The following KSR2 variants were observed in gnomAD, a reference collection of about 807,000 sequenced individuals.
KSR2 encodes the protein kinase suppressor of ras 2.
In KSR2, 25 loss-of-function variants were observed where a neutral mutation model predicts 107.8. That is an observed-to-expected ratio of 0.23 (90% CI 0.17 to 0.32). The LOEUF (loss-of-function observed/expected upper bound fraction) is 0.32. Among genes scored for constraint, KSR2 ranks in the 10% least tolerant of loss-of-function variants. The probability of loss-of-function intolerance (pLI) is 1.00; values close to 1 mark genes in which losing one functional copy is unlikely to be tolerated. For missense variants in KSR2, 887 were observed against 1,268.9 expected (o/e 0.70, Z 4.57); for synonymous variants, 480 against 507.0 (o/e 0.95, Z 0.71).
At chr12:117,588,278 T>C (rs1386682670) in intron 5 of KSR2, among the ~76,000 whole-genome samples, 3 of 152,190 alleles carry the variant, frequency 2.0e-5, no homozygotes, top group Non-Finnish European at 4.4e-5. Flanking sequence ...TAGACTGATC[T>C]TAGAGGACAG....
intron 1 of KSR2, among the ~76,000 whole-genome samples, chr12:117,945,195 A>G (rs1413529667): frequency 6.6e-6 from 1 of 152,222 alleles, no homozygotes; most frequent in Non-Finnish European, 1.5e-5. Flanking sequence ...TCAAGGATCT[A>G]AACACCATCA....
chr12:117,767,356 G>A (rs1335080267), intron 3 of KSR2, among the ~76,000 whole-genome samples: 1 of 151,304 alleles, frequency 6.6e-6, no homozygotes, highest in Non-Finnish European at 1.5e-5. Flanking sequence ...AGAATGGCGT[G>A]AACCCGGGAG....
intron 4 of KSR2, among the ~76,000 whole-genome samples, chr12:117,759,964 C>T (rs568546484): frequency 1.3e-5 from 2 of 152,262 alleles, no homozygotes; most frequent in Admixed American, 6.5e-5. Context: ...AAAAAATTAG[C>T]CAGGCGTGGT....
intron 17 of KSR2, among the ~76,000 whole-genome samples, chr12:117,472,067 T>C (rs1448867368): frequency 6.6e-6 from 1 of 152,140 alleles, no homozygotes; most frequent in Non-Finnish European, 1.5e-5. Context: ...CAAGTCCTGA[T>C]TCTATTTATA....
intron 5 of KSR2, among the ~76,000 whole-genome samples, chr12:117,619,127 T>C (rs932964564): frequency 1.3e-5 from 2 of 152,006 alleles, no homozygotes; most frequent in Non-Finnish European, 2.9e-5. Flanking sequence ...GTCTGCTAGA[T>C]GGGCAGGCTA....
chr12:117,505,218 C>A (rs1373237730), intron 14 of KSR2, among the ~76,000 whole-genome samples: 1 of 152,152 alleles, frequency 6.6e-6, no homozygotes, highest in Non-Finnish European at 1.5e-5. Flanking sequence ...AGAATCCTGA[C>A]CTTGTGTCAG....
intron 3 of KSR2, among the ~76,000 whole-genome samples, chr12:117,838,405 G>C (rs1892329658): frequency 6.6e-6 from 1 of 152,172 alleles, no homozygotes; most frequent in African/African-American, 2.4e-5. Context: ...CTGACCTTGT[G>C]ATCTGCCCAC....
chr12:117,720,117 T>C (rs1013516466), intron 4 of KSR2, among the ~76,000 whole-genome samples: 13 of 152,218 alleles, frequency 8.5e-5, no homozygotes, highest in African/African-American at 1.7e-4. Flanking sequence ...GCAAAGTGCC[T>C]GGAGGAAGTG....
chr12:117,555,648 C>T (rs1877637013), intron 8 of KSR2, among the ~76,000 whole-genome samples: 1 of 152,182 alleles, frequency 6.6e-6, no homozygotes, highest in Non-Finnish European at 1.5e-5. Flanking sequence ...CATCATGGTG[C>T]CCTGTCCCTA....
chr12:117,667,525 G>C lies in KSR2; in HGVS notation c.1120C>G (p.Pro374Ala), dbSNP rs775004315. Residue 374 changes from proline to alanine, a missense_variant, in exon 5 of 20, where the codon CCT becomes GCT. Physicochemically the swap from Pro to Ala is conservative, Grantham distance 27. Coordinates refer to ENST00000339824, the MANE Select transcript of KSR2 (RefSeq NM_173598.6). Reference protein sequence around the residue: ...SLRSFFVGHAPFLPSTPPVHT... With the variant: ...SLRSFFVGHAAFLPSTPPVHT... ...ACAGGAGGGGTGGAAGGCAGGAAAGGTGCGTGTCCCACAAAGAAGGAGCGG... is the reference window on the plus strand; with the variant it reads ...ACAGGAGGGGTGGAAGGCAGGAAAGCTGCGTGTCCCACAAAGAAGGAGCGG... 1 of 1,612,678 alleles carries C rather than the reference G, an allele frequency of 6.2e-7. No homozygotes were observed. The highest frequency in any genetic ancestry group is 1.3e-5 in the African/African-American group (1 of 74,918).
intron 4 of KSR2, among the ~76,000 whole-genome samples, chr12:117,690,431 G>A (rs1334912880): frequency 6.6e-6 from 1 of 152,126 alleles, no homozygotes; most frequent in African/African-American, 2.4e-5. Flanking sequence ...CAGGCGTGGT[G>A]GTGTGTGTCT....
chr12:117,623,842 A>G (rs922822010), intron 5 of KSR2, among the ~76,000 whole-genome samples: 1 of 151,234 alleles, frequency 6.6e-6, no homozygotes, highest in Non-Finnish European at 1.5e-5. Flanking sequence ...TTTCTCTCCC[A>G]CCAACAGTGT....
intron 17 of KSR2, among the ~76,000 whole-genome samples, chr12:117,473,486 TC>T (rs886383088): frequency 2.6e-5 from 4 of 152,108 alleles, no homozygotes; most frequent in Admixed American, 2.0e-4. Flanking sequence ...CAACGTGCTA[TC>T]CTAGGAAGCT....
chr12:117,781,778 C>G (rs1889897592), intron 3 of KSR2, among the ~76,000 whole-genome samples: 1 of 152,202 alleles, frequency 6.6e-6, no homozygotes, highest in South Asian at 2.1e-4. Flanking sequence ...TTAACCCTCC[C>G]TGGCACCCAG....
chr12:117,509,315 C>T (rs1302111453), intron 14 of KSR2, among the ~76,000 whole-genome samples: 2 of 152,132 alleles, frequency 1.3e-5, no homozygotes, highest in East Asian at 3.9e-4. Flanking sequence ...GAAGGCCCAA[C>T]CCTCTGAATG....
intron 14 of KSR2, among the ~76,000 whole-genome samples, chr12:117,504,155 A>G (rs2137182173): frequency 6.6e-6 from 1 of 152,332 alleles, no homozygotes; most frequent in East Asian, 1.9e-4. Context: ...CAATCATTTG[A>G]AAACAGAAAA....
In KSR2 at chr12:117,458,453, T is replaced by A. The variant is rs1870732821; in HGVS notation, c.*8746A>T. Reference sequence around the variant, plus strand: ...AAGAAAAACTAAGATTTGTTTTTAATCATTAGACTTTCAAATTTAAGAAGG... The same window carrying A: ...AAGAAAAACTAAGATTTGTTTTTAAACATTAGACTTTCAAATTTAAGAAGG... On this transcript the variant is annotated 3_prime_UTR_variant, in exon 20 of 20. Coordinates refer to ENST00000339824, the MANE Select transcript of KSR2 (RefSeq NM_173598.6). 1 of 152,066 alleles carries A rather than the reference T, an allele frequency of 6.6e-6. No homozygotes were observed. Among genetic ancestry groups the A allele is most frequent in the Admixed American group, 6.6e-5 (1 of 15,266 alleles). 9.4% of individuals were successfully genotyped at this position (152,066 alleles called of 1,614,324 possible).
At chr12:117,675,409 C>T (rs901116926) in intron 4 of KSR2, among the ~76,000 whole-genome samples, 1 of 152,238 alleles carries the variant, frequency 6.6e-6, no homozygotes, top group Non-Finnish European at 1.5e-5. Flanking sequence ...GCAGCATCTT[C>T]CCAGTTAATT....
At position 117,897,066 on chromosome 12, in the gene KSR2, C is replaced by T. The variant is rs546225048; in HGVS notation, c.181-36635G>A. Among the ~76,000 whole-genome samples the T allele has an allele frequency of 1.3e-4, 20 of 152,276 alleles. No individual in the cohort carries two copies. The South Asian group carries it at 3.7e-3, about 28-fold the overall frequency. ...AGGTGTTAGAGTGAAGAGGTTTCTT[C>T]CTCTCTGCCCTGTTCCTCTTCGCCC... is the stretch of plus-strand genomic sequence containing the variant. On this transcript the variant is annotated intron_variant, in intron 1 of 19. Coordinates refer to ENST00000339824, the MANE Select transcript of KSR2 (RefSeq NM_173598.6). This position sits in a 1 kb window ranked among gnomAD's most constrained non-coding sequence, Gnocchi z 4.5.
Sources: gnomAD v4.1 joint callset for allele counts (sites outside exome capture counted in the v4.1 genomes callset) on GRCh38, gnomAD v4.1.1 for gene constraint, Gnocchi (gnomAD v3.1) non-coding constraint, MANE v1.5 for transcripts, NCBI Gene and HGNC (gene_info 2026-07-23, HGNC 2026-07-21) for gene names.